VPS53: variants seen among roughly 807,000 people sequenced by gnomAD.
VPS53 encodes the protein VPS53 subunit of GARP complex, also known as vacuolar protein sorting-associated protein 53 homolog.
A neutral mutation model predicts 107.0 loss-of-function variants in VPS53; 70 were observed. The observed-to-expected ratio is 0.65, with a 90% CI of 0.54 to 0.80. The LOEUF (loss-of-function observed/expected upper bound fraction) is 0.80. Ranked by LOEUF, VPS53 falls within the 30% of genes least tolerant of loss-of-function variation. The pLI is 0.00. For missense variants in VPS53, 917 were observed against 1,049.4 expected (o/e 0.87, Z 1.74); for synonymous variants, 409 against 393.3 (o/e 1.04, Z -0.47).
At chr17:556,697 T>C (rs1912390621) in intron 15 of VPS53, among the ~76,000 whole-genome samples, 1 of 152,196 alleles carries the variant, frequency 6.6e-6, no homozygotes, top group South Asian at 2.1e-4. Flanking sequence ...ATTAAGCACT[T>C]ATTACGTACC....
chr17:554,229 A>C (rs1388242907), intron 15 of VPS53, among the ~76,000 whole-genome samples: 2 of 151,990 alleles, frequency 1.3e-5, no homozygotes, highest in African/African-American at 4.8e-5. Context: ...GGTAAACAAA[A>C]GAAATGTGGT....
chr17:678,666 GT>G (rs1270899747), intron 4 of VPS53, among the ~76,000 whole-genome samples: 1 of 150,882 alleles, frequency 6.6e-6, no homozygotes, highest in Non-Finnish European at 1.5e-5. Flanking sequence ...TTGAGACAGA[GT>G]CTCGCTCTGT....
Position 519,938 on chromosome 17 carries a change from G to T in VPS53, c.2224-8C>A. The T allele has an allele frequency of 6.5e-7, 1 of 1,547,068 alleles. No homozygotes were observed. The highest frequency in any genetic ancestry group is 1.2e-5 in the South Asian group (1 of 83,938). ...ATGAGGGGCCATCACTACCTACAGC[G>T]GGAGGAGACAGGAGCAAGCCCCTCA... On this transcript the variant is annotated splice_region_variant and splice_polypyrimidine_tract_variant and intron_variant, in intron 20 of 21. Transcript: ENST00000437048. This position sits in a 1 kb window ranked among gnomAD's most constrained non-coding sequence, Gnocchi z 5.0.
chr17:685,456 T>A (rs1314963341), intron 4 of VPS53, among the ~76,000 whole-genome samples: 2 of 152,174 alleles, frequency 1.3e-5, no homozygotes, highest in Non-Finnish European at 2.9e-5. Flanking sequence ...TTCTGTACAG[T>A]ATTCAACAGA....
chr17:615,425 A>T (rs1265761472), intron 11 of VPS53, among the ~76,000 whole-genome samples: 1 of 152,062 alleles, frequency 6.6e-6, no homozygotes, highest in Non-Finnish European at 1.5e-5. Context: ...AGCTGGCCAC[A>T]CTCTCAAGCT....
intron 4 of VPS53, among the ~76,000 whole-genome samples, chr17:670,588 G>C (rs1056951995): frequency 1.3e-5 from 2 of 152,058 alleles, no homozygotes; most frequent in Admixed American, 6.6e-5. Flanking sequence ...TAGACAGAGG[G>C]GCTCTGATTC....
intron 4 of VPS53, chr17:675,194 A>G (rs1972103693): frequency 1.3e-5 from 2 of 152,228 alleles, no homozygotes; most frequent in Admixed American, 1.3e-4. Context: ...ACCTGCCCAC[A>G]AGACACTAGT....
intron 2 of VPS53, among the ~76,000 whole-genome samples, chr17:700,453 C>A (rs563019699): frequency 1.3e-5 from 2 of 151,798 alleles, no homozygotes; most frequent in Non-Finnish European, 1.5e-5. Flanking sequence ...CAAGAGGCTG[C>A]GGCAGGAGAA....
At chr17:609,666 G>C (rs1321239747) in intron 11 of VPS53, among the ~76,000 whole-genome samples, 1 of 152,148 alleles carries the variant, frequency 6.6e-6, no homozygotes, top group Non-Finnish European at 1.5e-5. Flanking sequence ...AAAGGAAGAG[G>C]AACAGAAAGA....
intron 13 of VPS53, among the ~76,000 whole-genome samples, chr17:563,483 A>G (rs1435974197): frequency 6.6e-6 from 1 of 152,016 alleles, no homozygotes; most frequent in Non-Finnish European, 1.5e-5. Flanking sequence ...CAGTAGAGAC[A>G]GGGTTTCACC....
chr17:709,369 G>T (rs954751591), intron 2 of VPS53, among the ~76,000 whole-genome samples: 1 of 152,118 alleles, frequency 6.6e-6, no homozygotes, highest in Non-Finnish European at 1.5e-5. Flanking sequence ...TTTCTCCCTA[G>T]TTTCTAAAAA....
At chr17:543,545 G>A (rs1269736845) in intron 17 of VPS53, among the ~76,000 whole-genome samples, 4 of 151,658 alleles carry the variant, frequency 2.6e-5, no homozygotes, top group South Asian at 2.1e-4. Flanking sequence ...GGAGAGAGGC[G>A]GGGACCATGA....
chr17:560,127 T>A (rs889214779), intron 15 of VPS53, among the ~76,000 whole-genome samples: 1 of 152,252 alleles, frequency 6.6e-6, no homozygotes, highest in Admixed American at 6.5e-5. Flanking sequence ...TTTTCTCATA[T>A]GGGTTGGAGT....
In VPS53 at chr17:699,326, C is replaced by T; in HGVS notation, c.218+5G>A. 6.4e-7 allele frequency: 1 copy of T among 1,571,364 alleles called. No homozygotes were observed. The highest frequency in any genetic ancestry group is 8.6e-7 in the Non-Finnish European group (1 of 1,164,282). ...AATTATGAACAATCACACAGCTTTA[C>T]TCACCTTATTTTCAGCCTAATTTTG... On this transcript the variant is annotated splice_donor_5th_base_variant and intron_variant, in intron 3 of 21. Coordinates refer to ENST00000437048, the MANE Select transcript of VPS53 (RefSeq NM_001128159.3).
intron 2 of VPS53, among the ~76,000 whole-genome samples, chr17:700,635 A>G (rs1240387832): frequency 3.3e-5 from 5 of 152,224 alleles, no homozygotes; most frequent in Non-Finnish European, 7.3e-5. Flanking sequence ...AGCTTATTAT[A>G]ACAACAATTA....
intron 7 of VPS53, among the ~76,000 whole-genome samples, chr17:632,165 T>C (rs1038640474): frequency 1.3e-5 from 2 of 152,082 alleles, no homozygotes; most frequent in African/African-American, 4.8e-5. Context: ...GAGGATCTCT[T>C]GAGCCCAGGA....
intron 11 of VPS53, among the ~76,000 whole-genome samples, chr17:604,991 G>A (rs922841877): frequency 4.6e-5 from 7 of 152,206 alleles, no homozygotes; most frequent in Non-Finnish European, 1.0e-4. Flanking sequence ...CACAAACAGT[G>A]AGAAGGGCCA....
intron 6 of VPS53, 40 bp downstream of exon 6, chr17:655,798 A>G (rs1971164452): frequency 6.4e-7 from 1 of 1,571,504 alleles, no homozygotes; most frequent in Admixed American, 1.7e-5. Context: ...TATGCGATAC[A>G]TTTCCCGTGG....
Position 524,979 on chromosome 17 carries a change from G to A in VPS53, c.2086-3241C>T, listed in dbSNP as rs1023554787. 6.0e-5 allele frequency among the ~76,000 whole-genome samples: 9 copies of A among 150,484 alleles called. No homozygotes were observed. Among genetic ancestry groups the A allele is most frequent in the Non-Finnish European group, 1.0e-4 (7 of 67,004 alleles). On this transcript the variant is annotated intron_variant, in intron 19 of 21. Transcript: ENST00000437048. This position sits in a 1 kb window ranked among gnomAD's most constrained non-coding sequence, Gnocchi z 4.5. ...GAGGAATTCTTGCCCATGTAAAAAC[G>A]TTCCCTGCATCCGCTATTTATAAAA...
Sources: allele counts gnomAD v4.1 joint callset (sites outside exome capture counted in the v4.1 genomes callset), GRCh38; gene constraint gnomAD v4.1.1; non-coding constraint Gnocchi (gnomAD v3.1); transcripts MANE v1.5; gene names NCBI Gene and HGNC (gene_info 2026-07-23, HGNC 2026-07-21).